AKAP6: variants seen among roughly 807,000 people sequenced by gnomAD.
AKAP6 encodes A-kinase anchoring protein 6.
A neutral mutation model predicts 188.5 loss-of-function variants in AKAP6; 58 were observed. That is an observed-to-expected ratio of 0.31 (90% CI 0.25 to 0.38). The LOEUF is 0.38. AKAP6 is among the 10% of genes least tolerant of loss of function. The pLI is 1.00. For synonymous variants in AKAP6, 989 were observed against 998.6 expected, an observed-to-expected ratio of 0.99 and a Z score of 0.18; for missense variants, 2,710 against 2,740.0, an observed-to-expected ratio of 0.99 and a Z score of 0.24.
At chr14:32,811,365 T>A (rs2034229832) in intron 12 of AKAP6, among the ~76,000 whole-genome samples, 1 of 151,978 alleles carries the variant, frequency 6.6e-6, no homozygotes, top group South Asian at 2.1e-4. Context: ...GTAATCATAG[T>A]CTCATTATTA....
chr14:32,490,714 G>A (rs2138943305), intron 2 of AKAP6, among the ~76,000 whole-genome samples: 1 of 152,260 alleles, frequency 6.6e-6, no homozygotes, highest in South Asian at 2.1e-4. Context: ...CATCTGCAAA[G>A]ACCTTGAGGG....
At chr14:32,599,377 G>T in intron 5 of AKAP6, 33 bp from the exon 6 acceptor site, 1 of 1,573,492 alleles carries the variant, frequency 6.4e-7, no homozygotes, top group Non-Finnish European at 8.7e-7. Context: ...TAACTGCCTT[G>T]CCAGGGTTTA....
chr14:32,411,550 C>T (rs957766940), intron 1 of AKAP6, among the ~76,000 whole-genome samples: 1 of 152,068 alleles, frequency 6.6e-6, no homozygotes, highest in African/African-American at 2.4e-5. Flanking sequence ...GGGGTTTTAG[C>T]TGGTTCTTAA....
chr14:32,512,166 A>G (rs1468542192), intron 2 of AKAP6, among the ~76,000 whole-genome samples: 1 of 152,126 alleles, frequency 6.6e-6, no homozygotes, highest in East Asian at 1.9e-4. Flanking sequence ...CTTTTTAATC[A>G]TGTTGATTAA....
chr14:32,659,507 G>A (rs1888597297), intron 7 of AKAP6, among the ~76,000 whole-genome samples: 1 of 152,036 alleles, frequency 6.6e-6, no homozygotes, highest in South Asian at 2.1e-4. Context: ...ATCACGTGGT[G>A]ACAGCTCAAA....
intron 2 of AKAP6, among the ~76,000 whole-genome samples, chr14:32,506,010 G>T (rs879921210): frequency 6.6e-6 from 1 of 151,748 alleles, no homozygotes; most frequent in Non-Finnish European, 1.5e-5. Context: ...AAGCGTCGTG[G>T]CATGGACCTG....
At chr14:32,728,707 G>A (rs1290507203) in intron 9 of AKAP6, among the ~76,000 whole-genome samples, 1 of 152,182 alleles carries the variant, frequency 6.6e-6, no homozygotes, top group African/African-American at 2.4e-5. Context: ...GTTCAGCAAT[G>A]TCTGGTCTCT....
rs776212709 is a variant in AKAP6, at chr14:32,535,805, G to T, written c.576G>T (p.Glu192Asp). The stretch of plus-strand genomic sequence containing the variant: ...AAGCTTTCTCTGAAGAGACAAAAGA[G>T]GTGAGTGTTTTCCTTGAAGTTAAGC... Reference protein sequence around the residue: ...ILQAFSEETKEGRLDSLTEVD... With the variant: ...ILQAFSEETKDGRLDSLTEVD... The change falls in exon 3 of 14, where the codon GAG becomes GAT. Residue 192 changes from glutamate (E) to aspartate (D), a missense_variant and splice_region_variant. Glu to Asp is a conservative substitution (Grantham distance 45). This residue lies in a region of AKAP6 where 237 missense variants were observed against 313.9 expected (regional missense o/e 0.76). Coordinates refer to ENST00000280979, the MANE Select transcript of AKAP6 (RefSeq NM_004274.5). 1.9e-6 allele frequency: 3 copies of T among 1,607,206 alleles called. No homozygotes were observed. The highest frequency in any genetic ancestry group is 1.7e-4 in the Middle Eastern group (1 of 6,030).
At chr14:32,802,312 TATAA>T (rs2033972905) in intron 12 of AKAP6, among the ~76,000 whole-genome samples, 7 of 152,228 alleles carry the variant, frequency 4.6e-5, no homozygotes, top group Admixed American at 4.6e-4. Context: ...ACTGTGACTA[TATAA>T]ATATTTTGCC....
At position 32,433,493 on chromosome 14, in the gene AKAP6, C is replaced by T; in HGVS notation, c.-1C>T. 1.2e-6 allele frequency: 2 copies of T among 1,612,932 alleles called. No homozygotes were observed. Among genetic ancestry groups the T allele is most frequent in the South Asian group, 1.1e-5 (1 of 91,000 alleles). ...GAAAGAAGTGAGGTTTAGACTTCTC[C>T]ATGTTAACCATGAGCGTGACACTTT... On this transcript the variant is annotated 5_prime_UTR_variant, in exon 2 of 14. Transcript: ENST00000280979.
At chr14:32,826,417 A>T (rs2034674957) in intron 13 of AKAP6, among the ~76,000 whole-genome samples, 1 of 152,222 alleles carries the variant, frequency 6.6e-6, no homozygotes, top group Non-Finnish European at 1.5e-5. Context: ...CTGCAATTCC[A>T]TAAGCTGCTT....
chr14:32,811,667 A>C (rs184410104), intron 12 of AKAP6, among the ~76,000 whole-genome samples: 283 of 152,282 alleles, frequency 1.9e-3, no homozygotes, highest in African/African-American at 6.2e-3. Context: ...ATAGTAAGAC[A>C]CCCAGCTCAT....
At chr14:32,584,679 G>C (rs1373307598) in intron 5 of AKAP6, among the ~76,000 whole-genome samples, 1 of 151,002 alleles carries the variant, frequency 6.6e-6, no homozygotes, top group Non-Finnish European at 1.5e-5. Flanking sequence ...TCCTTGATCT[G>C]CTTTATGACA....
chr14:32,736,892 A>C (rs907827489), intron 11 of AKAP6, among the ~76,000 whole-genome samples: 1 of 152,120 alleles, frequency 6.6e-6, no homozygotes, highest in Non-Finnish European at 1.5e-5. Flanking sequence ...AGACAAGACC[A>C]CAATACTTCC....
At chr14:32,510,724 T>A (rs1354676555) in intron 2 of AKAP6, among the ~76,000 whole-genome samples, 2 of 152,056 alleles carry the variant, frequency 1.3e-5, no homozygotes, top group East Asian at 3.9e-4. Context: ...GGTACTTAAC[T>A]ACTTTTTCTA....
At chr14:32,625,907 G>C (rs1887003477) in intron 7 of AKAP6, among the ~76,000 whole-genome samples, 1 of 152,078 alleles carries the variant, frequency 6.6e-6, no homozygotes, top group Non-Finnish European at 1.5e-5. Flanking sequence ...ATTTCAGCCT[G>C]GCTTTAGTTT....
At chr14:32,432,464 T>G (rs1890255879) in intron 1 of AKAP6, among the ~76,000 whole-genome samples, 1 of 152,210 alleles carries the variant, frequency 6.6e-6, no homozygotes, top group Non-Finnish European at 1.5e-5. Flanking sequence ...TGTTTATGTA[T>G]TTCAGACCAA....
chr14:32,639,143 A>G (rs1030434427), intron 7 of AKAP6, among the ~76,000 whole-genome samples: 1 of 152,142 alleles, frequency 6.6e-6, no homozygotes. Flanking sequence ...CACTAATGTT[A>G]TGACCCATTA....
At chr14:32,652,101 T>C (rs954775669) in intron 7 of AKAP6, among the ~76,000 whole-genome samples, 4 of 152,182 alleles carry the variant, frequency 2.6e-5, no homozygotes, top group Admixed American at 1.3e-4. Flanking sequence ...TATGGTTCCA[T>C]GCTCAATTGA....
Sources: allele counts gnomAD v4.1 joint callset (sites outside exome capture counted in the v4.1 genomes callset), GRCh38; gene constraint gnomAD v4.1.1; regional missense constraint gnomAD v4.1.1; transcripts MANE v1.5; gene names NCBI Gene and HGNC (gene_info 2026-07-23, HGNC 2026-07-21).